The following PCDH15 variants were observed in gnomAD, a reference collection of about 807,000 sequenced individuals.
The protein encoded by PCDH15 is protocadherin-15.
In PCDH15, 129 loss-of-function variants were observed where a neutral mutation model predicts 178.5. That is an observed-to-expected ratio of 0.72 (90% confidence interval 0.63 to 0.84). The LOEUF (loss-of-function observed/expected upper bound fraction) is 0.84. PCDH15 is among the 40% of genes least tolerant of loss of function. PCDH15 has a pLI of 0.00. For missense variants in PCDH15, 2,230 were observed against 2,099.9 expected (o/e 1.06, Z -1.21); for synonymous variants, 800 against 732.0 (o/e 1.09, Z -1.50).
intron 1 of PCDH15, among the ~76,000 whole-genome samples, chr10:55,298,886 G>A (rs540568361): frequency 3.9e-5 from 6 of 152,080 alleles, no homozygotes; most frequent in Admixed American, 1.3e-4. Context: ...CGATAGTGTC[G>A]ACTTTTATTT....
intron 2 of PCDH15, among the ~76,000 whole-genome samples, chr10:55,399,604 T>C (rs112088830): frequency 0.012 from 1,823 of 152,146 alleles, 44 homozygotes; most frequent in African/African-American, 0.042. Context: ...CTGACAATAA[T>C]AAATCTTAGA....
intron 28 of PCDH15, among the ~76,000 whole-genome samples, chr10:53,848,914 T>C (rs915615083): frequency 2.0e-5 from 3 of 152,146 alleles, no homozygotes; most frequent in Non-Finnish European, 4.4e-5. Context: ...TATTTATCTT[T>C]GATTTAAAAC....
rs115082298 is a variant in PCDH15 at position 54,983,491 on chromosome 10, A to C, written c.-79-85991T>G. 5.1e-3 allele frequency among the ~76,000 whole-genome samples: 781 copies of C among 152,274 alleles called. 4 individuals carry two copies. Among genetic ancestry groups the C allele is most frequent in the African/African-American group, 0.018 (750 of 41,556 alleles). ...CATAAGACCAGAGGAAATAGAGCTT[A>C]GCAAGTTATTTGTCCTGGAGACAAC... On this transcript the variant is annotated intron_variant, in intron 2 of 5. Coordinates refer to the PCDH15 transcript ENST00000458638.
chr10:54,355,494 G>A (rs933047110), intron 5 of PCDH15, among the ~76,000 whole-genome samples: 3 of 151,898 alleles, frequency 2.0e-5, no homozygotes, highest in African/African-American at 7.2e-5. Flanking sequence ...TGTGCAATAT[G>A]TTATTTGAGA....
chr10:54,930,378 C>T lies in PCDH15; in HGVS notation c.-79-32878G>A, dbSNP rs890074131. 2.6e-5 allele frequency among the ~76,000 whole-genome samples: 4 copies of T among 152,132 alleles called. 1 individual carries two copies. The highest frequency in any genetic ancestry group is 5.9e-5 in the Non-Finnish European group (4 of 68,028). ...CCCACTCAAGTGCCCCTCTCTTTCG[C>T]AGGAGACAGAGCTATTCTCTTCCCT... is the stretch of plus-strand genomic sequence containing the variant. On this transcript the variant is annotated intron_variant, in intron 2 of 5. Transcript: ENST00000458638.
chr10:55,236,079 T>G (rs1026328374), intron 1 of PCDH15, among the ~76,000 whole-genome samples: 2 of 152,010 alleles, frequency 1.3e-5, no homozygotes, highest in East Asian at 3.9e-4. Flanking sequence ...CTTTCTTTTA[T>G]TCTCTGTCCT....
chr10:53,920,036 T>C (rs1209891963), intron 25 of PCDH15, among the ~76,000 whole-genome samples: 1 of 152,168 alleles, frequency 6.6e-6, no homozygotes, highest in Non-Finnish European at 1.5e-5. Context: ...TCTATATGCC[T>C]TCATTTGAAA....
rs1396481442 is a variant in PCDH15 at position 55,030,487 on chromosome 10, A to G, written c.-79-132987T>C. Among the ~76,000 whole-genome samples, 3 of 152,200 alleles carry G rather than the reference A, an allele frequency of 2.0e-5. No homozygotes were observed. The East Asian group carries it at 5.8e-4, about 29-fold the overall frequency. On this transcript the variant is annotated intron_variant, in intron 2 of 5. Coordinates refer to the PCDH15 transcript ENST00000458638. ...ACAAGGCTTAGCAAATTGAGTCATG[A>G]CTTAAGAGAAACAATCTGGACGCTG...
chr10:55,252,266 G>A (rs1564933744), intron 1 of PCDH15, among the ~76,000 whole-genome samples: 1 of 152,146 alleles, frequency 6.6e-6, no homozygotes, highest in African/African-American at 2.4e-5. Flanking sequence ...TCGGGCAACA[G>A]ATTACACCCT....
chr10:54,012,783 C>G (rs1246609840), intron 20 of PCDH15, among the ~76,000 whole-genome samples: 2 of 152,152 alleles, frequency 1.3e-5, no homozygotes, highest in Admixed American at 6.6e-5. Flanking sequence ...CTTATAAGAG[C>G]TCCTGAAAGG....
intron 1 of PCDH15, among the ~76,000 whole-genome samples, chr10:54,675,392 C>A (rs1249984115): frequency 6.6e-6 from 1 of 150,488 alleles, no homozygotes; most frequent in African/African-American, 2.4e-5. Flanking sequence ...CACACCCTGG[C>A]AAGATATTTT....
chr10:54,106,170 T>C (rs1469157093), intron 15 of PCDH15, among the ~76,000 whole-genome samples: 3 of 152,208 alleles, frequency 2.0e-5, no homozygotes, highest in African/African-American at 4.8e-5. Context: ...TATGGTGTGA[T>C]ACAAATATTC....
chr10:55,406,410 G>A (rs1838199028), intron 2 of PCDH15, among the ~76,000 whole-genome samples: 1 of 152,156 alleles, frequency 6.6e-6, no homozygotes, highest in Non-Finnish European at 1.5e-5. Flanking sequence ...TGGCTTTGCA[G>A]TGAAAATGAT....
At chr10:54,992,693 T>C (rs1256615959) in intron 2 of PCDH15, among the ~76,000 whole-genome samples, 1 of 150,814 alleles carries the variant, frequency 6.6e-6, no homozygotes, top group Admixed American at 6.6e-5. Context: ...AGGTGGAGCT[T>C]GCAGTGAGCA....
chr10:54,446,883 A>C (rs1227136154), intron 3 of PCDH15, among the ~76,000 whole-genome samples: 1 of 151,598 alleles, frequency 6.6e-6, no homozygotes, highest in Admixed American at 6.6e-5. Flanking sequence ...GGTAACAAAA[A>C]ACATTCGCAG....
At chr10:55,608,316 G>C in intron 2 of PCDH15, among the ~76,000 whole-genome samples, 1 of 150,534 alleles carries the variant, frequency 6.6e-6, no homozygotes, top group South Asian at 2.1e-4. Flanking sequence ...GGAAGGGGAG[G>C]GGGAAGAGGG....
At chr10:54,300,703 A>G (rs891561939) in intron 8 of PCDH15, among the ~76,000 whole-genome samples, 4 of 152,130 alleles carry the variant, frequency 2.6e-5, no homozygotes, top group Admixed American at 1.3e-4. Context: ...AAATTCACCA[A>G]TCAGCGCTCT....
chr10:54,610,731 A>G (rs1294369643), intron 2 of PCDH15, among the ~76,000 whole-genome samples: 1 of 151,868 alleles, frequency 6.6e-6, no homozygotes, highest in Non-Finnish European at 1.5e-5. Context: ...TAAAAGGAGA[A>G]TAGAAGAATA....
intron 13 of PCDH15, among the ~76,000 whole-genome samples, chr10:54,165,606 C>T (rs928376154): frequency 3.3e-5 from 5 of 152,136 alleles, no homozygotes; most frequent in African/African-American, 9.7e-5. Context: ...CAAATTCTCT[C>T]ATGCCCAACT....
Sources: gnomAD v4.1 joint callset for allele counts (sites outside exome capture counted in the v4.1 genomes callset) on GRCh38, gnomAD v4.1.1 for gene constraint, MANE v1.5 for transcripts, NCBI Gene and HGNC (gene_info 2026-07-23, HGNC 2026-07-21) for gene names.